NEK8: variants seen among roughly 807,000 people sequenced by gnomAD.
NEK8 encodes serine/threonine-protein kinase Nek8.
NEK8 carries 51 observed loss-of-function variants against 77.2 expected under a neutral mutation model. The observed-to-expected ratio is 0.66, with a 90% CI of 0.53 to 0.83. NEK8 has a LOEUF of 0.83. NEK8 is among the 40% of genes least tolerant of loss of function. NEK8 has a pLI of 0.00. For synonymous variants in NEK8, 365 were observed against 363.2 expected, an observed-to-expected ratio of 1.00 and a Z score of -0.06; for missense variants, 787 against 909.2, an observed-to-expected ratio of 0.87 and a Z score of 1.73.
At position 28,737,964 on chromosome 17, in the gene NEK8, C is replaced by T. The variant is rs751987503; in HGVS notation, c.1035C>T (p.Ala345=). ...VQVAAGRTQK[A]GVTRSGRLIL... ...TGGCAGCTGGGCGCACGCAGAAAGC[C>T]GGCGTCACGCGCTCTGGGCGTCTCA... is the stretch of plus-strand genomic sequence containing the variant. The change falls in exon 7 of 15, where the codon GCC becomes GCT. Residue 345 remains alanine (A), a synonymous_variant. Coordinates refer to ENST00000268766, the MANE Select transcript of NEK8 (RefSeq NM_178170.3). This position sits in a 1 kb window ranked among gnomAD's most constrained non-coding sequence, Gnocchi z 4.8. The T allele has an allele frequency of 7.4e-6, 12 of 1,612,072 alleles. No individual in the cohort carries two copies. The highest frequency in any genetic ancestry group is 2.2e-5 in the South Asian group (2 of 91,034).
intron 1 of NEK8, among the ~76,000 whole-genome samples, chr17:28,730,042 G>A (rs1251524043): frequency 1.3e-5 from 2 of 152,174 alleles, no homozygotes; most frequent in Non-Finnish European, 2.9e-5. Flanking sequence ...TGTAATTGTC[G>A]AGGGCGGGGA....
rs376340694 is a variant in NEK8 at position 28,742,016 on chromosome 17, T to C, written c.*29T>C. On this transcript the variant is annotated 3_prime_UTR_variant, in exon 15 of 15. Transcript: ENST00000268766. ...ACCCGGATTCACCTCTGGACCACCC[T>C]GATATTGCTTCTCCTCTGAATGCTC... The C allele has an allele frequency of 1.2e-6, 2 of 1,609,746 alleles. No individual in the cohort carries two copies. The highest frequency in any genetic ancestry group is 1.3e-5 in the African/African-American group (1 of 74,962).
At chr17:28,734,730 G>A in intron 2 of NEK8, 42 bp from the exon 3 acceptor site, 1 of 1,366,520 alleles carries the variant, frequency 7.3e-7, no homozygotes, top group Non-Finnish European at 1.0e-6. Context: ...GTTGTCGTAG[G>A]TGTGAGAAAG....
At chr17:28,739,319 T>C (rs527325891) in intron 10 of NEK8, 118 bp downstream of exon 10, 90 of 794,568 alleles carry the variant, frequency 1.1e-4, no homozygotes, top group South Asian at 1.1e-3. Context: ...TCAAATTCTC[T>C]TCATTCATTC....
intron 9 of NEK8, 27 bp downstream of exon 9, chr17:28,738,774 G>A (rs1389969283): frequency 6.4e-7 from 1 of 1,566,988 alleles, no homozygotes; most frequent in African/African-American, 1.4e-5. Flanking sequence ...CCTTGGGAAG[G>A]GGAAGTCGGG....
intron 1 of NEK8, among the ~76,000 whole-genome samples, chr17:28,731,662 G>A (rs2034308018): frequency 6.6e-6 from 1 of 150,404 alleles, no homozygotes; most frequent in South Asian, 2.1e-4. Flanking sequence ...AGAGTGCAGT[G>A]GCACCATCTC....
chr17:28,733,387 A>T (rs887750965), intron 1 of NEK8, among the ~76,000 whole-genome samples: 13 of 152,156 alleles, frequency 8.5e-5, no homozygotes, highest in African/African-American at 3.1e-4. Context: ...CTGGAGGTAA[A>T]AATTTGAGAC....
At chr17:28,738,875 C>T in intron 9 of NEK8, 128 bp downstream of exon 9, 1 of 852,312 alleles carries the variant, frequency 1.2e-6, no homozygotes, top group Non-Finnish European at 2.0e-6. Context: ...TTCCCAGCTG[C>T]ACCTGCTCTG....
chr17:28,730,901 T>C (rs1049849657), intron 1 of NEK8, among the ~76,000 whole-genome samples: 3 of 151,922 alleles, frequency 2.0e-5, no homozygotes, highest in Non-Finnish European at 4.4e-5. Flanking sequence ...TCAACTTGGT[T>C]GACAGAGTGA....
chr17:28,738,826 G>C, intron 9 of NEK8, 79 bp downstream of exon 9: 2 of 1,187,946 alleles, frequency 1.7e-6, no homozygotes, highest in Non-Finnish European at 2.5e-6. Flanking sequence ...CACCAGATTG[G>C]GGGCAGGGGA....
Position 28,738,727 on chromosome 17 carries a change from A to C in NEK8, c.1279A>C (p.Ser427Arg). 6.2e-7 allele frequency: 1 copy of C among 1,614,078 alleles called. No individual in the cohort carries two copies. The highest frequency in any genetic ancestry group is 8.5e-7 in the Non-Finnish European group (1 of 1,179,896). The change falls in exon 9 of 15, where the codon AGC (serine) becomes CGC (arginine). Residue 427 changes from serine to arginine, a missense_variant. Transcript: ENST00000268766. ...SGSNGCLGHG[S>R]LTDISQPTIV... Reference sequence around the variant, plus strand: ...CAGCAATGGGTGCCTAGGCCATGGCAGCCTCACTGACATCAGCCAGGTGGG... The same window carrying C: ...CAGCAATGGGTGCCTAGGCCATGGCCGCCTCACTGACATCAGCCAGGTGGG...
rs1653047801 is a variant in NEK8, at chr17:28,741,832, T to A, written c.2051-127T>A. ...TTCTCCTACTGCTGAGTCCCGTTGA[T>A]GCTGAAACTCTCTTTCTGGCCTAAC... On this transcript the variant is annotated intron_variant, in intron 14 of 14. Transcript: ENST00000268766. This position sits in a 1 kb window ranked among gnomAD's most constrained non-coding sequence, Gnocchi z 4.5. The A allele has an allele frequency of 1.9e-6, 2 of 1,063,662 alleles. No individual in the cohort carries two copies. The highest frequency in any genetic ancestry group is 1.3e-5 in the South Asian group (1 of 79,298). 65.9% of individuals were successfully genotyped at this position (1,063,662 alleles called of 1,614,324 possible). A position where few individuals can be genotyped will look rare whatever the true frequency, so the allele number is the denominator to read the frequency against.
rs779152665 is a variant in NEK8, at chr17:28,741,119, C to T, written c.1774C>T (p.Gln592Ter). Residue 592 changes from glutamine (Q) to a stop codon, truncating the protein, a stop_gained, in exon 13 of 15, where the codon CAG becomes TAG. Coordinates refer to ENST00000268766, the MANE Select transcript of NEK8 (RefSeq NM_178170.3). LOFTEE classifies it high-confidence loss of function. This position sits in a 1 kb window ranked among gnomAD's most constrained non-coding sequence, Gnocchi z 4.5. ...CACTTTTGGCAGCAATCAGCACGGA[C>T]AGTTGGGCACCAATACTCGCCGAGG... Reference protein sequence around the residue: ...CYTFGSNQHGQLGTNTRRGSR... With the variant: ...CYTFGSNQHG 1.4e-5 allele frequency: 23 copies of T among 1,614,062 alleles called. No homozygotes were observed. The highest frequency in any genetic ancestry group is 1.9e-5 in the Non-Finnish European group (23 of 1,180,032).
chr17:28,742,407 C>T lies in NEK8; in HGVS notation c.*420C>T, dbSNP rs183805648. On this transcript the variant is annotated 3_prime_UTR_variant, in exon 15 of 15. Coordinates refer to ENST00000268766, the MANE Select transcript of NEK8 (RefSeq NM_178170.3). ...AGGAGATCGAGACCATCCTGGCTAACGTGGTGAAACCCCATCTCTACTAAA... is the reference window on the plus strand; with the variant it reads ...AGGAGATCGAGACCATCCTGGCTAATGTGGTGAAACCCCATCTCTACTAAA... The T allele has an allele frequency of 4.2e-4, 124 of 293,118 alleles. No individual in the cohort carries two copies. In the East Asian group the frequency reaches 9.3e-3, roughly 22 times the overall value. The allele number at this position is 293,118 out of a possible 1,614,324, so 18.2% of individuals were successfully genotyped here.
chr17:28,739,960 G>A (rs887979050), intron 10 of NEK8, among the ~76,000 whole-genome samples: 1 of 152,156 alleles, frequency 6.6e-6, no homozygotes, highest in African/African-American at 2.4e-5. Context: ...TCAACTGGAG[G>A]AGAGAGATGT....
At chr17:28,738,770 G>A (rs765081515) in intron 9 of NEK8, 23 bp downstream of exon 9, 6 of 1,594,562 alleles carry the variant, frequency 3.8e-6, no homozygotes, top group Non-Finnish European at 3.4e-6. Context: ...TATACCTTGG[G>A]AAGGGGAAGT....
chr17:28,742,615 T>A lies in NEK8; in HGVS notation c.*628T>A, dbSNP rs1158130750. 4 of 158,838 alleles carry A rather than the reference T, an allele frequency of 2.5e-5. No individual in the cohort carries two copies. The highest frequency in any genetic ancestry group is 7.3e-5 in the African/African-American group (3 of 41,148). The allele number at this position is 158,838 out of a possible 1,614,324, so 9.8% of individuals were successfully genotyped here. A position where few individuals can be genotyped will look rare whatever the true frequency, so the allele number is the denominator to read the frequency against. On this transcript the variant is annotated 3_prime_UTR_variant, in exon 15 of 15. Coordinates refer to ENST00000268766, the MANE Select transcript of NEK8 (RefSeq NM_178170.3). Reference sequence around the variant, plus strand: ...GTAGCTCCACACAGACCCTACCCTTTCCCCTAGCCCAGTTAGAAAATAAGT... The same window carrying A: ...GTAGCTCCACACAGACCCTACCCTTACCCCTAGCCCAGTTAGAAAATAAGT...
At chr17:28,729,523 A>T (rs905439167) in intron 1 of NEK8, among the ~76,000 whole-genome samples, 4 of 126,608 alleles carry the variant, frequency 3.2e-5, no homozygotes, top group Non-Finnish European at 4.9e-5. Context: ...GCCCGGCTAA[A>T]TTTTTTGGAT....
chr17:28,740,344 G>T lies in NEK8; in HGVS notation c.1418-119G>T. On this transcript the variant is annotated intron_variant, in intron 10 of 14. Transcript: ENST00000268766. This position sits in a 1 kb window ranked among gnomAD's most constrained non-coding sequence, Gnocchi z 4.7. ...TAACCAGCAGAGGGGCCTAGGAAAGGCATTTGGGACTGAGAGAACAGAGAA... is the reference window on the plus strand; with the variant it reads ...TAACCAGCAGAGGGGCCTAGGAAAGTCATTTGGGACTGAGAGAACAGAGAA... 1.2e-6 allele frequency: 1 copy of T among 836,754 alleles called. No individual in the cohort carries two copies. Among genetic ancestry groups the T allele is most frequent in the East Asian group, 2.4e-5 (1 of 40,902 alleles). The allele number at this position is 836,754 out of a possible 1,614,324, so 51.8% of individuals were successfully genotyped here.
Sources: gnomAD v4.1 joint callset for allele counts (sites outside exome capture counted in the v4.1 genomes callset) on GRCh38, gnomAD v4.1.1 for gene constraint, Gnocchi (gnomAD v3.1) non-coding constraint, MANE v1.5 for transcripts, NCBI Gene and HGNC (gene_info 2026-07-23, HGNC 2026-07-21) for gene names.